Variants in RUNX3 observed in about 807,000 individuals in gnomAD.
RUNX3 encodes the protein runt-related transcription factor 3.
A neutral mutation model predicts 27.7 loss-of-function variants in RUNX3; 10 were observed. The ratio of observed to expected loss-of-function variants is 0.36; its 90% confidence interval spans 0.22 to 0.61. RUNX3 has a LOEUF of 0.61. Among genes scored for constraint, RUNX3 ranks in the 20% least tolerant of loss-of-function variants. The pLI is 0.72. For missense variants in RUNX3, 469 were observed against 629.5 expected (o/e 0.75, Z 2.73); for synonymous variants, 270 against 269.2 (o/e 1.00, Z -0.03).
In RUNX3 at chr1:24,902,164, G is replaced by T. The variant is rs145354992; in HGVS notation, c.1206C>A (p.Ser402Arg). The T allele has an allele frequency of 1.9e-6, 3 of 1,572,262 alleles. No homozygotes were observed. Among genetic ancestry groups the T allele is most frequent in the Non-Finnish European group, 2.6e-6 (3 of 1,160,530 alleles). ...GSHSNSPTAL[S>R]TPGRMDEAVW... ...CGGCCTCATCCATGCGGCCTGGCGT[G>T]CTCAGGGCCGTGGGTGAGTTGCTGT... is the stretch of plus-strand genomic sequence containing the variant. Residue 402 changes from serine to arginine, a missense_variant, in exon 5 of 5, where the codon AGC (serine) becomes AGA (arginine). Physicochemically the swap from Ser to Arg is moderately radical, Grantham distance 110. Coordinates refer to ENST00000308873, the MANE Select transcript of RUNX3 (RefSeq NM_004350.3). The surrounding 1 kb of genome is among the most constrained non-coding windows in gnomAD (Gnocchi z 9.2).
rs567878377 is a variant in RUNX3 at position 24,959,592 on chromosome 1, G to A, written c.58+4922C>T. ...CTGGGATGAAGGGGTTTCCTGGGACGTGGAGCTTTCAGTGCTAAAACAGAG... is the reference window on the plus strand; with the variant it reads ...CTGGGATGAAGGGGTTTCCTGGGACATGGAGCTTTCAGTGCTAAAACAGAG... On this transcript the variant is annotated intron_variant, in intron 2 of 6. Transcript: ENST00000338888. 1.2e-4 allele frequency among the ~76,000 whole-genome samples: 18 copies of A among 152,284 alleles called. No homozygotes were observed. The South Asian group carries it at 1.7e-3, about 14-fold the overall frequency.
chr1:24,906,216 G>A (rs1376164801), intron 4 of RUNX3, among the ~76,000 whole-genome samples: 2 of 152,226 alleles, frequency 1.3e-5, no homozygotes, highest in Non-Finnish European at 2.9e-5. Flanking sequence ...CCCTTTATCT[G>A]TCCCCTCAGA....
At chr1:24,951,823 A>G (rs1641775007) in intron 2 of RUNX3, among the ~76,000 whole-genome samples, 1 of 152,220 alleles carries the variant, frequency 6.6e-6, no homozygotes, top group South Asian at 2.1e-4. Flanking sequence ...CATCTGTAAA[A>G]TAGGCCTCAT....
chr1:24,902,490 C>T lies in RUNX3; in HGVS notation c.880G>A (p.Val294Met), dbSNP rs142450822. 5.4e-5 allele frequency: 86 copies of T among 1,600,214 alleles called. No homozygotes were observed. Among genetic ancestry groups the T allele is most frequent in the Non-Finnish European group, 6.5e-5 (76 of 1,169,920 alleles). Residue 294 changes from valine to methionine, a missense_variant, in exon 5 of 5, where the codon GTG becomes ATG. Val to Met is a conservative substitution (Grantham distance 21). This residue lies in a region of RUNX3 where 279 missense variants were observed against 343.0 expected (regional missense o/e 0.81). Coordinates refer to ENST00000308873, the MANE Select transcript of RUNX3 (RefSeq NM_004350.3). This position sits in a 1 kb window ranked among gnomAD's most constrained non-coding sequence, Gnocchi z 9.2. ...PSGTSISSLSVAGMPATSRFH... is the reference protein window; with the variant it reads ...PSGTSISSLSMAGMPATSRFH... ...CGGCTGGTGGCCGGCATGCCCGCCA[C>T]GCTGAGGCTGCTGATGCTCGTGCCC...
chr1:24,932,094 G>C (rs11249203), upstream of RUNX3, among the ~76,000 whole-genome samples: 80,590 of 152,142 alleles, frequency 0.53, 21,584 homozygotes, highest in South Asian at 0.58. Flanking sequence ...ATGACCCGCT[G>C]TTTCAGGTGG....
chr1:24,960,387 G>A (rs1642076018), intron 2 of RUNX3, among the ~76,000 whole-genome samples: 2 of 152,350 alleles, frequency 1.3e-5, no homozygotes, highest in South Asian at 2.1e-4. Context: ...TGCAGGTGAC[G>A]GCAGAGGGCA....
chr1:24,964,015 TCTC>T (rs1376156136), intron 2 of RUNX3, among the ~76,000 whole-genome samples: 2 of 152,116 alleles, frequency 1.3e-5, no homozygotes, highest in African/African-American at 4.8e-5. Context: ...GTGGCTTCCT[TCTC>T]CTCCCTCTGC....
upstream of RUNX3, among the ~76,000 whole-genome samples, chr1:24,931,575 C>T (rs1312050311): frequency 1.3e-5 from 2 of 152,228 alleles, no homozygotes; most frequent in African/African-American, 4.8e-5. Flanking sequence ...GCTAGATTTT[C>T]GTTGCCTCCG....
intron 4 of RUNX3, among the ~76,000 whole-genome samples, chr1:24,903,461 C>T (rs955215437): frequency 6.6e-6 from 1 of 152,228 alleles, no homozygotes; most frequent in Non-Finnish European, 1.5e-5. Flanking sequence ...CCAACCTGGT[C>T]ACAGTGTCCA....
At chr1:24,915,118 C>CCTA (rs1204452796) in intron 3 of RUNX3, among the ~76,000 whole-genome samples, 3 of 152,336 alleles carry the variant, frequency 2.0e-5, no homozygotes, top group African/African-American at 7.2e-5. Context: ...AGAACTCTGC[C>CCTA]CTTGTAGAGC....
At position 24,902,733 on chromosome 1, in the gene RUNX3, G is replaced by A; in HGVS notation, c.704-67C>T. ...ACCCCAGGAGGGCTTCCTGAAGAAT[G>A]ACCTTGGGCTCTGGTTCCCAAGGCC... On this transcript the variant is annotated intron_variant, in intron 4 of 4. Coordinates refer to ENST00000308873, the MANE Select transcript of RUNX3 (RefSeq NM_004350.3). The surrounding 1 kb of genome is among the most constrained non-coding windows in gnomAD (Gnocchi z 9.2). 1 of 1,375,716 alleles carries A rather than the reference G, an allele frequency of 7.3e-7. No homozygotes were observed. The allele number at this position is 1,375,716 out of a possible 1,614,324, so 85.2% of individuals were successfully genotyped here.
At chr1:24,937,037 C>T (rs999537337) in intron 2 of RUNX3, among the ~76,000 whole-genome samples, 1 of 152,240 alleles carries the variant, frequency 6.6e-6, no homozygotes, top group East Asian at 1.9e-4. Context: ...AGGTGGGCAA[C>T]AGTCGGTCTT....
chr1:24,928,565 G>A (rs1014286456), intron 1 of RUNX3, among the ~76,000 whole-genome samples: 1 of 152,214 alleles, frequency 6.6e-6, no homozygotes, highest in Non-Finnish European at 1.5e-5. Context: ...AAATGTTTGG[G>A]ATCTGATTAA....
In RUNX3 at chr1:24,943,250, G is replaced by A. The variant is rs150814718; in HGVS notation, c.59-13398C>T. On this transcript the variant is annotated intron_variant, in intron 2 of 6. Transcript: ENST00000338888. The surrounding 1 kb of genome is among the most constrained non-coding windows in gnomAD (Gnocchi z 4.6). ...CGTGGGGGAGGCCAGGGCTTTGGGAGCATGCTGGCAGCAGGGTGGAGGGGG... is the reference window on the plus strand; with the variant it reads ...CGTGGGGGAGGCCAGGGCTTTGGGAACATGCTGGCAGCAGGGTGGAGGGGG... Among the ~76,000 whole-genome samples, 821 of 152,330 alleles carry A rather than the reference G, an allele frequency of 5.4e-3. 11 individuals carry two copies. The highest frequency in any genetic ancestry group is 0.019 in the African/African-American group (789 of 41,568).
chr1:24,911,134 G>A (rs1398121822), intron 3 of RUNX3, among the ~76,000 whole-genome samples: 1 of 152,260 alleles, frequency 6.6e-6, no homozygotes, highest in Non-Finnish European at 1.5e-5. Flanking sequence ...TGGGGGACAA[G>A]TGAGCAGAAG....
chr1:24,902,250 C>T lies in RUNX3; in HGVS notation c.1120G>A (p.Gly374Ser), dbSNP rs777246232. 1.0e-5 allele frequency: 16 copies of T among 1,583,182 alleles called. No individual in the cohort carries two copies. Among genetic ancestry groups the T allele is most frequent in the Non-Finnish European group, 1.3e-5 (15 of 1,166,874 alleles). Residue 374 changes from glycine to serine, a missense_variant, in exon 5 of 5, where the codon GGC becomes AGC. Coordinates refer to ENST00000308873, the MANE Select transcript of RUNX3 (RefSeq NM_004350.3). The surrounding 1 kb of genome is among the most constrained non-coding windows in gnomAD (Gnocchi z 9.2). ...CTSSAASVAA[G>S]NLMNPSLGGQ... ...CCCAGGCTGGGGTTCATGAGGTTGC[C>T]GGCGGCGACAGAGGCAGCGCTGCTG...
At chr1:24,958,084 G>A (rs1042291956) in intron 2 of RUNX3, among the ~76,000 whole-genome samples, 3 of 152,190 alleles carry the variant, frequency 2.0e-5, no homozygotes, top group African/African-American at 4.8e-5. Context: ...AGGGGATCAC[G>A]CTGGCGCAGA....
At chr1:24,956,668 C>T (rs1360699419) in intron 2 of RUNX3, among the ~76,000 whole-genome samples, 1 of 152,152 alleles carries the variant, frequency 6.6e-6, no homozygotes, top group East Asian at 1.9e-4. Context: ...CCTGCTTACC[C>T]CACGGAGGTG....
chr1:24,964,212 G>T (rs1407204175), intron 2 of RUNX3, among the ~76,000 whole-genome samples: 1 of 152,206 alleles, frequency 6.6e-6, no homozygotes, highest in African/African-American at 2.4e-5. Flanking sequence ...CAAGCCGAGG[G>T]TCCCTGAGAG....
Sources: allele counts gnomAD v4.1 joint callset (sites outside exome capture counted in the v4.1 genomes callset), GRCh38; gene constraint gnomAD v4.1.1; regional missense constraint gnomAD v4.1.1; non-coding constraint Gnocchi (gnomAD v3.1); transcripts MANE v1.5; gene names NCBI Gene and HGNC (gene_info 2026-07-23, HGNC 2026-07-21).